The following IQCM variants were observed in gnomAD, a reference collection of about 807,000 sequenced individuals.
IQCM encodes IQ motif containing M, also known as IQ domain-containing protein M.
A neutral mutation model predicts 57.6 loss-of-function variants in IQCM; 45 were observed. The observed-to-expected ratio is 0.78, with a 90% CI of 0.62 to 1.00. The LOEUF is 1.00. Among genes scored for constraint, IQCM ranks in the 50% least tolerant of loss-of-function variants. IQCM has a pLI of 0.00. For missense variants in IQCM, 468 were observed against 511.6 expected (o/e 0.91, Z 0.82); for synonymous variants, 148 against 158.9 (o/e 0.93, Z 0.51).
intron 12 of IQCM, among the ~76,000 whole-genome samples, chr4:149,504,089 A>G (rs1743537354): frequency 1.3e-5 from 2 of 152,226 alleles, no homozygotes; most frequent in South Asian, 2.1e-4. Flanking sequence ...ATACTCTGAA[A>G]CCATTTTTCA....
chr4:149,438,610 C>T (rs1268756853), intron 12 of IQCM, among the ~76,000 whole-genome samples: 2 of 151,924 alleles, frequency 1.3e-5, no homozygotes, highest in Non-Finnish European at 2.9e-5. Context: ...AAGTTTATTT[C>T]TGTTCATTAG....
At chr4:149,808,058 C>A (rs1774239240) in intron 2 of IQCM, among the ~76,000 whole-genome samples, 1 of 152,064 alleles carries the variant, frequency 6.6e-6, no homozygotes, top group Non-Finnish European at 1.5e-5. Context: ...CCAGCAATTC[C>A]ACTGCTGAGC....
At position 149,697,918 on chromosome 4, in the gene IQCM, T is replaced by C. The variant is rs145459021; in HGVS notation, c.386-11450A>G. ...ATGAGTTCTTTAAGAATGGAAACATTCTTATTCTCTTTCTAACTCACATAT... is the reference window on the plus strand; with the variant it reads ...ATGAGTTCTTTAAGAATGGAAACATCCTTATTCTCTTTCTAACTCACATAT... On this transcript the variant is annotated intron_variant, in intron 5 of 13. Transcript: ENST00000636793. Among the ~76,000 whole-genome samples the C allele has an allele frequency of 2.2e-3, 333 of 152,198 alleles. 2 individuals are homozygous for C. The highest frequency in any genetic ancestry group is 8.7e-3 in the East Asian group (45 of 5,166).
At chr4:149,400,553 T>C (rs1350613188) in intron 13 of IQCM, among the ~76,000 whole-genome samples, 3 of 152,006 alleles carry the variant, frequency 2.0e-5, no homozygotes, top group African/African-American at 7.2e-5. Context: ...TAACATAATG[T>C]TTTTGTTTTA....
intron 7 of IQCM, among the ~76,000 whole-genome samples, chr4:149,646,900 G>A (rs1758685200): frequency 6.6e-6 from 1 of 152,102 alleles, no homozygotes; most frequent in African/African-American, 2.4e-5. Flanking sequence ...AGGAGAATCT[G>A]TTGAACCTAG....
chr4:149,658,645 T>C (rs1385185105), intron 7 of IQCM, among the ~76,000 whole-genome samples: 1 of 152,164 alleles, frequency 6.6e-6, no homozygotes, highest in African/African-American at 2.4e-5. Context: ...TGTGCCTTCC[T>C]CAATTTCTTT....
At chr4:149,468,686 TC>T (rs1230547079) in intron 12 of IQCM, among the ~76,000 whole-genome samples, 1 of 152,112 alleles carries the variant, frequency 6.6e-6, no homozygotes, top group Non-Finnish European at 1.5e-5. Context: ...CTCAAGTGGG[TC>T]CCTGACCCCC....
rs563415943 is a variant in IQCM, at chr4:149,602,051, A to G, written c.682-14054T>C. Among the ~76,000 whole-genome samples the G allele has an allele frequency of 1.3e-3, 200 of 151,594 alleles. 1 individual carries two copies. In the Middle Eastern group the frequency reaches 0.014, roughly 10 times the overall value. On this transcript the variant is annotated intron_variant, in intron 8 of 13. Coordinates refer to ENST00000636793, the MANE Select transcript of IQCM (RefSeq NM_001363507.2). ...CCTGGGCGACAAAAAAAAAAAAAAA[A>G]AAAAGAAAAAATATGCTTTTTACTA...
chr4:149,477,127 C>G (rs1740287362), intron 12 of IQCM, among the ~76,000 whole-genome samples: 1 of 152,128 alleles, frequency 6.6e-6, no homozygotes, highest in Non-Finnish European at 1.5e-5. Flanking sequence ...TTAAACCTAT[C>G]AAAAGACATC....
intron 12 of IQCM, among the ~76,000 whole-genome samples, chr4:149,445,603 C>A (rs1579081234): frequency 1.3e-5 from 2 of 151,726 alleles, no homozygotes; most frequent in East Asian, 3.9e-4. Flanking sequence ...CTAAATGTTG[C>A]CTGTGCTTAG....
At chr4:149,796,964 C>T (rs959636659) in intron 2 of IQCM, among the ~76,000 whole-genome samples, 2 of 152,064 alleles carry the variant, frequency 1.3e-5, no homozygotes, top group Admixed American at 6.6e-5. Flanking sequence ...GCCCAGACTG[C>T]AAAGACTACA....
At chr4:149,487,961 T>C (rs984330321) in intron 12 of IQCM, among the ~76,000 whole-genome samples, 1 of 152,124 alleles carries the variant, frequency 6.6e-6, no homozygotes, top group Non-Finnish European at 1.5e-5. Context: ...TGCAGATACT[T>C]GTTAAAATTT....
At chr4:149,357,673 C>A (rs773519313) in intron 13 of IQCM, among the ~76,000 whole-genome samples, 11 of 152,098 alleles carry the variant, frequency 7.2e-5, no homozygotes, top group Non-Finnish European at 1.3e-4. Context: ...ATTTTTGCAC[C>A]AATGTTTATC....
In IQCM at chr4:149,729,628, C is replaced by A. The variant is rs114020610; in HGVS notation, c.385+3616G>T. Among the ~76,000 whole-genome samples the A allele has an allele frequency of 2.7e-3, 413 of 152,234 alleles. 6 individuals carry two copies. Among genetic ancestry groups the A allele is most frequent in the African/African-American group, 9.3e-3 (386 of 41,550 alleles). On this transcript the variant is annotated intron_variant, in intron 5 of 13. Transcript: ENST00000636793. The stretch of plus-strand genomic sequence containing the variant: ...TAGCTAGGATTACAGGAGCGTATCA[C>A]CATGCCCAGCTAATTTTTATATTTT...
intron 5 of IQCM, among the ~76,000 whole-genome samples, chr4:149,725,191 C>G (rs918395884): frequency 6.6e-6 from 1 of 152,140 alleles, no homozygotes; most frequent in Non-Finnish European, 1.5e-5. Context: ...GGCCTATTCT[C>G]ACATAAGATA....
intron 12 of IQCM, among the ~76,000 whole-genome samples, chr4:149,481,560 G>A (rs1740772881): frequency 1.3e-5 from 2 of 151,926 alleles, no homozygotes; most frequent in Admixed American, 6.6e-5. Flanking sequence ...TGAGTTCACT[G>A]TAGGTGTGTG....
At chr4:149,469,221 C>T (rs771310737) in intron 12 of IQCM, among the ~76,000 whole-genome samples, 1 of 152,106 alleles carries the variant, frequency 6.6e-6, no homozygotes, top group Non-Finnish European at 1.5e-5. Context: ...AGCTAAAAAC[C>T]TTGAAAAAAG....
intron 7 of IQCM, among the ~76,000 whole-genome samples, chr4:149,671,504 T>C (rs1231203682): frequency 6.6e-6 from 1 of 152,198 alleles, no homozygotes; most frequent in Admixed American, 6.5e-5. Context: ...CTTAGTTATT[T>C]CTTGCCTTCT....
chr4:149,610,425 T>C (rs1295277267), intron 8 of IQCM, among the ~76,000 whole-genome samples: 2 of 152,048 alleles, frequency 1.3e-5, no homozygotes, highest in African/African-American at 4.8e-5. Context: ...AAAGCAATCC[T>C]GAGTAAAAAG....
Sources: gnomAD v4.1 joint callset for allele counts (sites outside exome capture counted in the v4.1 genomes callset) on GRCh38, gnomAD v4.1.1 for gene constraint, MANE v1.5 for transcripts, NCBI Gene and HGNC (gene_info 2026-07-23, HGNC 2026-07-21) for gene names.